The following MARCHF10 variants were observed in gnomAD, a reference collection of about 807,000 sequenced individuals.
The protein encoded by MARCHF10 is membrane associated ring-CH-type finger 10, also known as probable E3 ubiquitin-protein ligase MARCHF10.
In MARCHF10, 64 loss-of-function variants were observed where a neutral mutation model predicts 76.2. The ratio of observed to expected loss-of-function variants is 0.84; its 90% CI spans 0.69 to 1.03. MARCHF10 has a LOEUF of 1.03. Among genes scored for constraint, MARCHF10 ranks in the 50% least tolerant of loss-of-function variants. The probability of loss-of-function intolerance (pLI) is 0.00; values close to 1 mark genes in which losing one functional copy is unlikely to be tolerated. For synonymous variants in MARCHF10, 340 were observed against 357.5 expected (o/e 0.95, Z 0.55); for missense variants, 875 against 958.0 (o/e 0.91, Z 1.14).
At chr17:62,716,119 G>A (rs1259699761) in intron 8 of MARCHF10, among the ~76,000 whole-genome samples, 1 of 152,174 alleles carries the variant, frequency 6.6e-6, no homozygotes, top group African/African-American at 2.4e-5. Flanking sequence ...CAGAGAGCAA[G>A]TCGGAGTCCC....
At chr17:62,745,253 G>A (rs2091663412) in intron 4 of MARCHF10, among the ~76,000 whole-genome samples, 1 of 151,714 alleles carries the variant, frequency 6.6e-6, no homozygotes, top group South Asian at 2.1e-4. Flanking sequence ...ATAGGTGCCT[G>A]CCACCATGCC....
chr17:62,786,113 CAA>C (rs1217525466), intron 3 of MARCHF10, among the ~76,000 whole-genome samples: 1 of 152,054 alleles, frequency 6.6e-6, no homozygotes, highest in Admixed American at 6.5e-5. Flanking sequence ...TTCACAATAG[CAA>C]AGACTTGGAA....
intron 10 of MARCHF10, 43 bp from the exon 11 acceptor site, chr17:62,701,801 A>G: frequency 6.2e-7 from 1 of 1,613,042 alleles, no homozygotes. Flanking sequence ...GCCGCAGCAG[A>G]CCGTGGGTCT....
At chr17:62,788,375 A>G in intron 3 of MARCHF10, 105 bp downstream of exon 3, 1 of 1,461,238 alleles carries the variant, frequency 6.8e-7, no homozygotes, top group Non-Finnish European at 9.4e-7. Flanking sequence ...AATCTGCAAC[A>G]TCTCCTTTTT....
chr17:62,747,306 ATTTG>A (rs1281004942), intron 4 of MARCHF10, among the ~76,000 whole-genome samples: 3 of 152,122 alleles, frequency 2.0e-5, no homozygotes, highest in African/African-American at 7.2e-5. Context: ...AGGTTATTTA[ATTTG>A]TTTTCTTGTT....
intron 3 of MARCHF10, among the ~76,000 whole-genome samples, chr17:62,778,034 C>A (rs892758066): frequency 6.6e-6 from 1 of 152,210 alleles, no homozygotes; most frequent in African/African-American, 2.4e-5. Context: ...GGAAATATAA[C>A]CACAAACAGT....
chr17:62,754,161 C>T (rs915127455), intron 4 of MARCHF10, among the ~76,000 whole-genome samples: 10 of 152,186 alleles, frequency 6.6e-5, no homozygotes, highest in Non-Finnish European at 1.5e-4. Context: ...CAACCTCCTC[C>T]TCCCGGGTTC....
intron 2 of MARCHF10, among the ~76,000 whole-genome samples, chr17:62,797,305 A>G (rs554292555): frequency 3.9e-4 from 59 of 152,290 alleles, no homozygotes; most frequent in Non-Finnish European, 6.6e-4. Flanking sequence ...CCCGGGTTCA[A>G]GCGATTCTCC....
intron 6 of MARCHF10, among the ~76,000 whole-genome samples, chr17:62,729,575 T>C (rs1162347067): frequency 1.3e-5 from 2 of 148,356 alleles, no homozygotes; most frequent in Non-Finnish European, 3.0e-5. Flanking sequence ...TGTATAAATA[T>C]ATAAATATAT....
intron 4 of MARCHF10, among the ~76,000 whole-genome samples, chr17:62,748,012 A>G (rs534957894): frequency 6.6e-6 from 1 of 152,318 alleles, no homozygotes; most frequent in South Asian, 2.1e-4. Context: ...CATGGAAAAC[A>G]AAACTCTTGC....
chr17:62,778,644 C>T (rs1311372439), intron 3 of MARCHF10, among the ~76,000 whole-genome samples: 1 of 142,500 alleles, frequency 7.0e-6, no homozygotes, highest in African/African-American at 2.6e-5. Flanking sequence ...GATCACGCCA[C>T]TGCACTCCAG....
intron 5 of MARCHF10, among the ~76,000 whole-genome samples, chr17:62,742,019 T>C (rs2091530452): frequency 1.4e-5 from 1 of 71,936 alleles, no homozygotes; most frequent in Admixed American, 1.3e-4. Context: ...TTTTTTTCTT[T>C]TTTTCTTTTT....
chr17:62,777,952 G>A (rs952051709), intron 3 of MARCHF10, among the ~76,000 whole-genome samples: 2 of 152,024 alleles, frequency 1.3e-5, no homozygotes, highest in African/African-American at 2.4e-5. Context: ...CCCAAGGCTG[G>A]GGCTCACCTG....
chr17:62,710,478 AG>A (rs563264244), intron 9 of MARCHF10, among the ~76,000 whole-genome samples: 296 of 148,596 alleles, frequency 2.0e-3, no homozygotes, highest in African/African-American at 7.0e-3. Flanking sequence ...TTGAGAGCTC[AG>A]GGTCTAAGGA....
chr17:62,714,255 C>G, intron 8 of MARCHF10: 1 of 329,358 alleles, frequency 3.0e-6, no homozygotes, highest in Non-Finnish European at 4.3e-6. Flanking sequence ...AAAGCGCTGC[C>G]GGCTAAGGTG....
chr17:62,801,786 AGAG>A (rs2093079062), intron 1 of MARCHF10, 34 bp from the exon 2 acceptor site: 1 of 1,475,094 alleles, frequency 6.8e-7, no homozygotes, highest in Admixed American at 1.7e-5. Context: ...GTGCTGTGTT[AGAG>A]TCCTTTGTCG....
At chr17:62,776,431 T>C (rs1469945986) in intron 3 of MARCHF10, among the ~76,000 whole-genome samples, 1 of 152,216 alleles carries the variant, frequency 6.6e-6, no homozygotes, top group Non-Finnish European at 1.5e-5. Flanking sequence ...GACAACTTTC[T>C]GGAAGCATCT....
chr17:62,793,395 GACCTCCATCACCACCACCATC>G (rs2092913107), intron 2 of MARCHF10, among the ~76,000 whole-genome samples: 1 of 45,236 alleles, frequency 2.2e-5, no homozygotes, highest in African/African-American at 9.2e-5. Context: ...TTACCACCAC[GACCTCCATCACCACCACCATC>G]ACCTCCATCA....
At chr17:62,769,412 A>ATTTG (rs374728827) in intron 3 of MARCHF10, among the ~76,000 whole-genome samples, 7 of 152,072 alleles carry the variant, frequency 4.6e-5, no homozygotes, top group Admixed American at 1.3e-4. Flanking sequence ...CTAATCCTAC[A>ATTTG]TTTGTTTGTT....
Sources: gnomAD v4.1 joint callset for allele counts (sites outside exome capture counted in the v4.1 genomes callset) on GRCh38, gnomAD v4.1.1 for gene constraint, MANE v1.5 for transcripts, NCBI Gene and HGNC (gene_info 2026-07-23, HGNC 2026-07-21) for gene names.